ANKFN1: variants seen among roughly 807,000 people sequenced by gnomAD.
ANKFN1 encodes the protein ankyrin repeat and fibronectin type-III domain-containing protein 1.
In ANKFN1, 74 loss-of-function variants were observed where a neutral mutation model predicts 108.7. That is an observed-to-expected ratio of 0.68 (90% CI 0.56 to 0.83). ANKFN1 has a LOEUF of 0.83. Ranked by LOEUF, ANKFN1 falls within the 40% of genes least tolerant of loss-of-function variation. The probability of loss-of-function intolerance (pLI) is 0.00; values close to 1 mark genes in which losing one functional copy is unlikely to be tolerated. For missense variants in ANKFN1, 1,505 were observed against 1,382.3 expected (o/e 1.09, Z -1.41); for synonymous variants, 547 against 516.2 (o/e 1.06, Z -0.81).
chr17:56,105,984 C>G (rs762397672), intron 4 of ANKFN1, among the ~76,000 whole-genome samples: 1 of 151,980 alleles, frequency 6.6e-6, no homozygotes, highest in Non-Finnish European at 1.5e-5. Flanking sequence ...TGGCCTGGCC[C>G]AAAATGTCAG....
At chr17:56,402,129 A>C (rs996248867) in intron 8 of ANKFN1, among the ~76,000 whole-genome samples, 3 of 152,288 alleles carry the variant, frequency 2.0e-5, no homozygotes, top group Admixed American at 1.3e-4. Flanking sequence ...ATCTATGTTC[A>C]TGAAGGATAT....
intron 4 of ANKFN1, among the ~76,000 whole-genome samples, chr17:56,054,674 G>C (rs1904835086): frequency 6.6e-6 from 1 of 152,170 alleles, no homozygotes; most frequent in Admixed American, 6.5e-5. Context: ...CACTTTTGGA[G>C]TCTGAGGCGG....
Position 56,249,555 on chromosome 17 carries a change from A to G in ANKFN1, c.53+21598A>G, listed in dbSNP as rs565888608. On this transcript the variant is annotated intron_variant, in intron 3 of 20. Transcript: ENST00000682825. ...AAACTCATTTGAAACTCCATATGGAAGAACAAAAGTCCCAGAATAGCCAAG... is the reference window on the plus strand; with the variant it reads ...AAACTCATTTGAAACTCCATATGGAGGAACAAAAGTCCCAGAATAGCCAAG... 4.6e-5 allele frequency among the ~76,000 whole-genome samples: 7 copies of G among 152,342 alleles called. No homozygotes were observed. In the East Asian group the frequency reaches 1.4e-3, roughly 29 times the overall value.
intron 4 of ANKFN1, among the ~76,000 whole-genome samples, chr17:56,347,384 GA>G (rs1245607735): frequency 1.3e-5 from 2 of 151,730 alleles, no homozygotes; most frequent in South Asian, 4.1e-4. Flanking sequence ...CACAATTCTA[GA>G]AAAAAAGAGT....
intron 1 of ANKFN1, among the ~76,000 whole-genome samples, chr17:56,195,033 C>T (rs943790295): frequency 1.3e-5 from 2 of 152,296 alleles, no homozygotes; most frequent in East Asian, 1.9e-4. Context: ...AAACAGAAGA[C>T]ACCTTAGGAG....
chr17:56,099,203 C>T (rs112836403), intron 4 of ANKFN1, among the ~76,000 whole-genome samples: 1,590 of 152,244 alleles, frequency 0.01, 30 homozygotes, highest in African/African-American at 0.037. Context: ...TCTTGTTAGT[C>T]AAACAGGGCA....
At chr17:56,201,189 G>A (rs1245737253) in intron 1 of ANKFN1, among the ~76,000 whole-genome samples, 1 of 152,046 alleles carries the variant, frequency 6.6e-6, no homozygotes, top group African/African-American at 2.4e-5. Flanking sequence ...CCCAGTCCTG[G>A]ATACCTCTCA....
chr17:56,161,579 T>C (rs1411333106), intron 1 of ANKFN1, among the ~76,000 whole-genome samples: 1 of 152,226 alleles, frequency 6.6e-6, no homozygotes, highest in African/African-American at 2.4e-5. Flanking sequence ...ATTTCTGTAA[T>C]TCCCCACATT....
At chr17:56,452,474 C>T (rs1246220017) in intron 11 of ANKFN1, among the ~76,000 whole-genome samples, 7 of 152,192 alleles carry the variant, frequency 4.6e-5, no homozygotes, top group African/African-American at 1.7e-4. Flanking sequence ...TATGCGTTTA[C>T]CACTGATCAG....
chr17:56,482,309 C>A, intron 17 of ANKFN1, 47 bp from the exon 18 acceptor site: 1 of 1,482,770 alleles, frequency 6.7e-7, no homozygotes, highest in Admixed American at 2.2e-5. Flanking sequence ...TATGTAAGTG[C>A]CATGTTGTAA....
chr17:56,456,186 G>T (rs1052217764), intron 11 of ANKFN1, among the ~76,000 whole-genome samples: 2 of 152,164 alleles, frequency 1.3e-5, no homozygotes, highest in East Asian at 1.9e-4. Flanking sequence ...ATGTTAGAAG[G>T]CAATTGCGGG....
intron 3 of ANKFN1, among the ~76,000 whole-genome samples, chr17:56,319,804 T>C (rs1363055392): frequency 3.3e-5 from 5 of 152,220 alleles, no homozygotes; most frequent in African/African-American, 4.8e-5. Flanking sequence ...ATCTCATTTC[T>C]CAGTTGGCCA....
At chr17:56,221,235 A>G (rs1326876847) in intron 2 of ANKFN1, among the ~76,000 whole-genome samples, 1 of 152,074 alleles carries the variant, frequency 6.6e-6, no homozygotes, top group Non-Finnish European at 1.5e-5. Context: ...TGGGAAATCC[A>G]CTTCCATGAT....
chr17:56,059,955 A>G (rs1266907658), intron 4 of ANKFN1, among the ~76,000 whole-genome samples: 1 of 152,004 alleles, frequency 6.6e-6, no homozygotes, highest in Non-Finnish European at 1.5e-5. Context: ...TTTTTTTTCT[A>G]ATTCTGTGAA....
At chr17:56,200,670 C>A (rs1439216346) in intron 1 of ANKFN1, among the ~76,000 whole-genome samples, 1 of 152,088 alleles carries the variant, frequency 6.6e-6, no homozygotes, top group African/African-American at 2.4e-5. Flanking sequence ...AGACCAGCGT[C>A]CCAATCTGCT....
At chr17:56,209,331 C>T (rs1223055198) in intron 1 of ANKFN1, among the ~76,000 whole-genome samples, 1 of 152,040 alleles carries the variant, frequency 6.6e-6, no homozygotes, top group Non-Finnish European at 1.5e-5. Flanking sequence ...CAATATCACC[C>T]AAATACCAAA....
intron 3 of ANKFN1, among the ~76,000 whole-genome samples, chr17:56,286,726 T>C (rs1246995641): frequency 6.6e-6 from 1 of 152,150 alleles, no homozygotes; most frequent in Non-Finnish European, 1.5e-5. Flanking sequence ...ATCAAGGAAG[T>C]TGCAACCCAC....
chr17:56,375,836 C>A (rs911404921), intron 8 of ANKFN1, among the ~76,000 whole-genome samples: 1 of 152,146 alleles, frequency 6.6e-6, no homozygotes, highest in Non-Finnish European at 1.5e-5. Flanking sequence ...TCTATTTAAT[C>A]CTCACAATGA....
At chr17:56,431,481 A>G (rs1202812063) in intron 8 of ANKFN1, among the ~76,000 whole-genome samples, 2 of 152,138 alleles carry the variant, frequency 1.3e-5, no homozygotes, top group African/African-American at 2.4e-5. Context: ...TGTGGCTCCC[A>G]GGGAGCAAAA....
Sources: gnomAD v4.1 joint callset for allele counts (sites outside exome capture counted in the v4.1 genomes callset) on GRCh38, gnomAD v4.1.1 for gene constraint, MANE v1.5 for transcripts, NCBI Gene and HGNC (gene_info 2026-07-23, HGNC 2026-07-21) for gene names.